XKR6: variants seen among roughly 807,000 people sequenced by gnomAD.
The protein encoded by XKR6 is XK related 6.
In XKR6, 22 loss-of-function variants were observed where a neutral mutation model predicts 56.7. The ratio of observed to expected loss-of-function variants is 0.39; its 90% CI spans 0.28 to 0.55. The LOEUF is 0.55. Ranked by LOEUF, XKR6 falls within the 20% of genes least tolerant of loss-of-function variation. The pLI is 0.66. For missense variants in XKR6, 852 were observed against 889.0 expected (o/e 0.96, Z 0.53); for synonymous variants, 524 against 387.8 (o/e 1.35, Z -4.13).
At chr8:10,900,142 T>C (rs1799995017) in intron 2 of XKR6, among the ~76,000 whole-genome samples, 1 of 152,104 alleles carries the variant, frequency 6.6e-6, no homozygotes, top group African/African-American at 2.4e-5. Context: ...ACGACCTCCT[T>C]AGGAAAGCTT....
intron 1 of XKR6, among the ~76,000 whole-genome samples, chr8:11,127,047 T>C (rs1799838077): frequency 2.0e-5 from 3 of 152,204 alleles, no homozygotes; most frequent in Non-Finnish European, 4.4e-5. Flanking sequence ...TGTATCATTC[T>C]TTACAACAGG....
At chr8:11,003,997 G>A (rs1304891087) in intron 1 of XKR6, among the ~76,000 whole-genome samples, 3 of 152,142 alleles carry the variant, frequency 2.0e-5, no homozygotes, top group African/African-American at 7.2e-5. Context: ...AGGGCGGGTG[G>A]CTGTGGAGTA....
intron 1 of XKR6, among the ~76,000 whole-genome samples, chr8:11,052,855 A>G (rs1315178279): frequency 6.6e-6 from 1 of 152,022 alleles, no homozygotes; most frequent in African/African-American, 2.4e-5. Flanking sequence ...CCGCACCCCT[A>G]GCAGGGGCTA....
chr8:11,019,460 C>T (rs1798699913), intron 1 of XKR6, among the ~76,000 whole-genome samples: 1 of 152,254 alleles, frequency 6.6e-6, no homozygotes, highest in Admixed American at 6.5e-5. Flanking sequence ...AGAGCTGTGA[C>T]TGGCTGGAGG....
chr8:11,154,510 A>C (rs1801415752), intron 1 of XKR6, among the ~76,000 whole-genome samples: 4 of 152,194 alleles, frequency 2.6e-5, no homozygotes, highest in Admixed American at 2.6e-4. Context: ...CCATAACAAT[A>C]AGTGTAACAG....
intron 1 of XKR6, among the ~76,000 whole-genome samples, chr8:10,950,186 C>T (rs1015980799): frequency 2.0e-5 from 3 of 151,962 alleles, no homozygotes; most frequent in Non-Finnish European, 2.9e-5. Context: ...TCCACCCTGT[C>T]GCAGGCCAGC....
chr8:11,120,760 G>A (rs1799413686), intron 1 of XKR6, among the ~76,000 whole-genome samples: 1 of 152,148 alleles, frequency 6.6e-6, no homozygotes, highest in African/African-American at 2.4e-5. Context: ...CAAAGCTGGA[G>A]GTATCACACT....
At chr8:11,119,370 C>T (rs556375506) in intron 1 of XKR6, among the ~76,000 whole-genome samples, 2 of 152,266 alleles carry the variant, frequency 1.3e-5, no homozygotes, top group Admixed American at 6.5e-5. Flanking sequence ...GCCTTGTTAA[C>T]TTTCTGTCTC....
At chr8:10,944,512 C>G (rs11777034) in intron 1 of XKR6, among the ~76,000 whole-genome samples, 31,894 of 152,130 alleles carry the variant, frequency 0.21, 4,439 homozygotes, top group African/African-American at 0.4. Flanking sequence ...TGCCCCACAC[C>G]CACACACAAA....
At chr8:11,104,288 T>A (rs1232665437) in intron 1 of XKR6, among the ~76,000 whole-genome samples, 2 of 152,252 alleles carry the variant, frequency 1.3e-5, no homozygotes, top group Non-Finnish European at 2.9e-5. Context: ...CTGAACTTCC[T>A]GCCTGCCGGC....
At chr8:11,129,798 C>G (rs567283199) in intron 1 of XKR6, among the ~76,000 whole-genome samples, 2 of 151,612 alleles carry the variant, frequency 1.3e-5, no homozygotes, top group East Asian at 1.9e-4. Context: ...TCCAGCCAAG[C>G]CAACTGTCTT....
At chr8:11,022,888 C>T (rs1439793760) in intron 1 of XKR6, among the ~76,000 whole-genome samples, 1 of 152,192 alleles carries the variant, frequency 6.6e-6, no homozygotes, top group Admixed American at 6.5e-5. Context: ...GTAAGGTCCT[C>T]CACGTCCCAG....
chr8:11,193,738 AC>A (rs5889361), intron 1 of XKR6, among the ~76,000 whole-genome samples: 44,448 of 106,242 alleles, frequency 0.42, 9,419 homozygotes, highest in East Asian at 0.79. Context: ...TAAGGTTCTG[AC>A]CCCCCCCCCC....
At chr8:10,940,372 T>G (rs1044124914) in intron 1 of XKR6, among the ~76,000 whole-genome samples, 2 of 152,160 alleles carry the variant, frequency 1.3e-5, no homozygotes, top group Admixed American at 1.3e-4. Context: ...GGGCCCGCAG[T>G]AGTCACTGTG....
intron 1 of XKR6, among the ~76,000 whole-genome samples, chr8:10,977,942 G>C (rs1470713594): frequency 6.6e-6 from 1 of 152,106 alleles, no homozygotes; most frequent in South Asian, 2.1e-4. Context: ...ACTCCAGAAC[G>C]TACCATTTTG....
At chr8:10,955,246 C>T (rs1801847888) in intron 1 of XKR6, among the ~76,000 whole-genome samples, 1 of 152,082 alleles carries the variant, frequency 6.6e-6, no homozygotes, top group Non-Finnish European at 1.5e-5. Context: ...GATTGCTGCT[C>T]ACTGCAGTCT....
At chr8:11,190,763 C>A (rs2117126882) in intron 1 of XKR6, among the ~76,000 whole-genome samples, 1 of 152,286 alleles carries the variant, frequency 6.6e-6, no homozygotes, top group South Asian at 2.1e-4. Flanking sequence ...CTAATTCTGT[C>A]CCGCCCACAG....
intron 1 of XKR6, among the ~76,000 whole-genome samples, chr8:10,958,610 A>G (rs1432559981): frequency 6.6e-6 from 1 of 152,220 alleles, no homozygotes; most frequent in Non-Finnish European, 1.5e-5. Context: ...TGTGATCACC[A>G]TGGGAGCCAA....
chr8:11,095,973 A>G (rs1798252841), intron 1 of XKR6, among the ~76,000 whole-genome samples: 1 of 152,238 alleles, frequency 6.6e-6, no homozygotes. Flanking sequence ...TAACCACAAG[A>G]GCAGAAGAAA....
Sources: allele counts gnomAD v4.1 joint callset (sites outside exome capture counted in the v4.1 genomes callset), GRCh38; gene constraint gnomAD v4.1.1; transcripts MANE v1.5; gene names NCBI Gene and HGNC (gene_info 2026-07-23, HGNC 2026-07-21).